BRCA2: variants seen among roughly 807,000 people sequenced by gnomAD.
BRCA2 encodes the protein breast cancer type 2 susceptibility protein.
BRCA2 carries 203 observed loss-of-function variants against 276.7 expected under a neutral mutation model. The observed-to-expected ratio is 0.73, with a 90% CI of 0.65 to 0.82. The LOEUF (loss-of-function observed/expected upper bound fraction) is 0.82. Among genes scored for constraint, BRCA2 ranks in the 40% least tolerant of loss-of-function variants. BRCA2 has a pLI of 0.00. For missense variants in BRCA2, 3,920 were observed against 3,915.0 expected, an observed-to-expected ratio of 1.00 and a Z score of -0.03; for synonymous variants, 1,289 against 1,338.4, an observed-to-expected ratio of 0.96 and a Z score of 0.81.
rs759741090 is a variant in BRCA2, at chr13:32,339,805, C to G, written c.5450C>G (p.Ser1817Cys). ...TGCGTTGAGGAACTTGTGACTAGCT[C>G]TTCACCCTGCAAAAATAAAAATGCA... is the stretch of plus-strand genomic sequence containing the variant. ...DICVEELVTS[S>C]SPCKNKNAAI... is the part of the protein sequence containing the mutation. Residue 1817 changes from serine to cysteine, a missense_variant, in exon 11 of 27, where the codon TCT (serine) becomes TGT (cysteine). Physicochemically the swap from Ser to Cys is moderately radical, Grantham distance 112. Around this residue, in one of 2 missense-constraint regions of BRCA2, gnomAD observed 3,263 missense variants for 3,156.9 expected, o/e 1.03. Coordinates refer to ENST00000380152, the MANE Select transcript of BRCA2 (RefSeq NM_000059.4). 2 of 1,613,740 alleles carry G rather than the reference C, an allele frequency of 1.2e-6. No homozygotes were observed. Among genetic ancestry groups the G allele is most frequent in the African/African-American group, 2.7e-5 (2 of 74,908 alleles).
chr13:32,368,521 A>G (rs530491130), intron 18 of BRCA2, among the ~76,000 whole-genome samples: 1 of 117,898 alleles, frequency 8.5e-6, no homozygotes, highest in African/African-American at 3.1e-5. Context: ...TGCTCCCTGC[A>G]TTTTTTTTTT....
rs139302211 is a variant in BRCA2 at position 32,339,761 on chromosome 13, A to C, written c.5406A>C (p.Gln1802His). ...TAAAAGATGCAAATGCATACCCACA[A>C]ACTGTAAATGAAGATATTTGCGTTG... ...SNVKDANAYP[Q>H]TVNEDICVEE... Residue 1802 changes from glutamine (Q) to histidine (H), a missense_variant, in exon 11 of 27, where the codon CAA becomes CAC. Physicochemically the swap from Gln to His is conservative, Grantham distance 24 (BLOSUM62 0). Transcript: ENST00000380152. The C allele has an allele frequency of 1.9e-6, 3 of 1,613,858 alleles. No homozygotes were observed. Among genetic ancestry groups the C allele is most frequent in the Non-Finnish European group, 2.5e-6 (3 of 1,179,904 alleles).
At chr13:32,389,894 C>A (rs2072985577) in intron 24 of BRCA2, among the ~76,000 whole-genome samples, 1 of 152,140 alleles carries the variant, frequency 6.6e-6, no homozygotes, top group Non-Finnish European at 1.5e-5. Flanking sequence ...AAAGATTCTT[C>A]AGATTTAGGA....
At position 32,338,564 on chromosome 13, in the gene BRCA2, T is replaced by C. The variant is rs1131692120; in HGVS notation, c.4209T>C (p.Thr1403=). The C allele has an allele frequency of 6.3e-7, 1 of 1,596,546 alleles. No individual in the cohort carries two copies. The highest frequency in any genetic ancestry group is 8.5e-7 in the Non-Finnish European group (1 of 1,172,364). Residue 1403 remains threonine, a synonymous_variant, in exon 11 of 27, where the codon ACT becomes ACC. Transcript: ENST00000380152. ...AKAQEACHGN[T]SNKEQLTATK... is the part of the protein sequence containing the mutation. ...CTCAAGAAGCATGTCATGGTAATAC[T>C]TCAAATAAAGAACAGTTAACTGCTA...
rs57551462 is a variant in BRCA2 at position 32,365,109 on chromosome 13, C to CTTT, written c.8331+1602_8331+1604dup. On this transcript the variant is annotated intron_variant, in intron 18 of 26. Transcript: ENST00000380152. ...TAGCTCCTGCTAATTGCAGTGCATT[C>CTTT]TTTTTTTTTTTTTTTTTTTTTTTTT... is the stretch of plus-strand genomic sequence containing the variant. Among the ~76,000 whole-genome samples, 262 of 64,482 alleles carry CTTT rather than the reference C, an allele frequency of 4.1e-3. 50 individuals are homozygous for CTTT. Among genetic ancestry groups the CTTT allele is most frequent in the South Asian group, 8.7e-3 (11 of 1,262 alleles). The allele number at this position is 64,482 out of a possible 152,430, so 42.3% of individuals were successfully genotyped here. A position where few individuals can be genotyped will look rare whatever the true frequency, so the allele number is the denominator to read the frequency against.
intron 11 of BRCA2, among the ~76,000 whole-genome samples, chr13:32,343,335 T>C (rs1285424535): frequency 5.3e-5 from 8 of 152,162 alleles, no homozygotes; most frequent in Non-Finnish European, 1.2e-4. Context: ...AAATAACTAG[T>C]TCCTTTTTAA....
At chr13:32,335,959 G>A (rs1041413338) in intron 10 of BRCA2, among the ~76,000 whole-genome samples, 1 of 151,984 alleles carries the variant, frequency 6.6e-6, no homozygotes. Context: ...TCAGCTCACC[G>A]TAGCCTCACC....
chr13:32,319,776 G>A (rs1366705053), intron 3 of BRCA2, among the ~76,000 whole-genome samples: 1 of 152,122 alleles, frequency 6.6e-6, no homozygotes, highest in Non-Finnish European at 1.5e-5. Flanking sequence ...TATATATTCA[G>A]TCATTCAAAT....
At chr13:32,373,978 T>C (rs974100142) in intron 20 of BRCA2, among the ~76,000 whole-genome samples, 1 of 152,258 alleles carries the variant, frequency 6.6e-6, no homozygotes, top group Non-Finnish European at 1.5e-5. Flanking sequence ...CTCCCACAGC[T>C]GAACTCTTGT....
chr13:32,329,490 G>A lies in BRCA2; in HGVS notation c.679G>A (p.Ala227Thr), dbSNP rs398122563. 6.3e-7 allele frequency: 1 copy of A among 1,594,182 alleles called. No homozygotes were observed. Among genetic ancestry groups the A allele is most frequent in the Non-Finnish European group, 8.6e-7 (1 of 1,164,104 alleles). Residue 227 changes from alanine (A) to threonine (T), a missense_variant and splice_region_variant, in exon 8 of 27, where the codon GCT becomes ACT. Transcript: ENST00000380152. ...AACTGTATTTCCTCATGATACTACT[G>A]CTGTAAGTAAATATGACATTGATTA... ...SETVFPHDTTANVKSYFSNHD... is the reference protein window; with the variant it reads ...SETVFPHDTTTNVKSYFSNHD...
At chr13:32,352,531 C>T (rs1300429865) in intron 13 of BRCA2, among the ~76,000 whole-genome samples, 2 of 152,170 alleles carry the variant, frequency 1.3e-5, no homozygotes, top group Admixed American at 6.5e-5. Flanking sequence ...CAGCTAATCA[C>T]ATGACTGCTC....
chr13:32,334,764 CTGT>C (rs2072435437), intron 10 of BRCA2, among the ~76,000 whole-genome samples: 1 of 151,940 alleles, frequency 6.6e-6, no homozygotes, highest in South Asian at 2.1e-4. Flanking sequence ...TTTATTGCTG[CTGT>C]TGTTACATAA....
intron 9 of BRCA2, 132 bp downstream of exon 9, chr13:32,331,162 G>C (rs763635629): frequency 1.5e-6 from 1 of 679,194 alleles, no homozygotes; most frequent in Non-Finnish European, 2.6e-6. Flanking sequence ...GTGCTCAAGC[G>C]ATCCTGCCTC....
rs1156736283 is a variant in BRCA2 at position 32,356,707 on chromosome 13, CATT to C, written c.7617+100_7617+102del. ...AATGGCTTTGTTTAAAGAATGAACACATTAGTGCAGGAATGGATGAATGAAATC... is the reference window on the plus strand; with the variant it reads ...AATGGCTTTGTTTAAAGAATGAACACAGTGCAGGAATGGATGAATGAAATC... On this transcript the variant is annotated intron_variant, in intron 15 of 26. Coordinates refer to ENST00000380152, the MANE Select transcript of BRCA2 (RefSeq NM_000059.4). 2.1e-5 allele frequency: 28 copies of C among 1,352,960 alleles called. No individual in the cohort carries two copies. The South Asian group carries it at 2.9e-4, about 14-fold the overall frequency. 83.8% of individuals were successfully genotyped at this position (1,352,960 alleles called of 1,614,324 possible).
intron 2 of BRCA2, among the ~76,000 whole-genome samples, 195 bp downstream of exon 2, chr13:32,316,722 A>G (rs1350259875): frequency 6.6e-6 from 1 of 152,220 alleles, no homozygotes; most frequent in Non-Finnish European, 1.5e-5. Flanking sequence ...CTAGTGGATA[A>G]AGAGGAAACT....
chr13:32,339,546 C>A lies in BRCA2; in HGVS notation c.5191C>A (p.His1731Asn), dbSNP rs80358745. The A allele has an allele frequency of 2.3e-5, 37 of 1,605,040 alleles. No homozygotes were observed. Among genetic ancestry groups the A allele is most frequent in the Non-Finnish European group, 3.1e-5 (37 of 1,175,904 alleles). The change falls in exon 11 of 27, where the codon CAT (histidine) becomes AAT (asparagine). Residue 1731 changes from histidine to asparagine, a missense_variant. Transcript: ENST00000380152. ...NSTIAENDKN[H>N]LSEKQDTYLS... Reference sequence around the variant, plus strand: ...TACTATAGCTGAAAATGACAAAAATCATCTCTCCGAAAAACAAGATACTTA... The same window carrying A: ...TACTATAGCTGAAAATGACAAAAATAATCTCTCCGAAAAACAAGATACTTA...
At position 32,370,956 on chromosome 13, in the gene BRCA2, T is replaced by G; in HGVS notation, c.8488T>G (p.Trp2830Gly). 6.2e-7 allele frequency: 1 copy of G among 1,613,980 alleles called. No homozygotes were observed. The highest frequency in any genetic ancestry group is 8.5e-7 in the Non-Finnish European group (1 of 1,179,956). The change falls in exon 20 of 27, where the codon TGG becomes GGG. Residue 2830 changes from tryptophan (W) to glycine (G), a missense_variant and splice_region_variant. Transcript: ENST00000380152. ...TGGTGTGTGTAACACATTATTACAG[T>G]GGATGGAGAAGACATCATCTGGATT... ...VIIQRAYPIQWMEKTSSGLYI... is the reference protein window; with the variant it reads ...VIIQRAYPIQGMEKTSSGLYI...
rs80358482 is a variant in BRCA2 at position 32,336,306 on chromosome 13, G to T, written c.1951G>T (p.Asp651Tyr). The T allele has an allele frequency of 1.9e-6, 3 of 1,602,006 alleles. No homozygotes were observed. Among genetic ancestry groups the T allele is most frequent in the South Asian group, 1.1e-5 (1 of 88,738 alleles). ...TGTGAAAAGAAGCTGTTCACAGAATGATTCTGAAGAACCAACTTTGTCCTT... is the reference window on the plus strand; with the variant it reads ...TGTGAAAAGAAGCTGTTCACAGAATTATTCTGAAGAACCAACTTTGTCCTT... ...SSVKRSCSQN[D>Y]SEEPTLSLTS... Residue 651 changes from aspartate to tyrosine, a missense_variant, in exon 11 of 27, where the codon GAT (aspartate) becomes TAT (tyrosine). This residue lies in a region of BRCA2 where 3,263 missense variants were observed against 3,156.9 expected (regional missense o/e 1.03). Transcript: ENST00000380152.
chr13:32,344,456 A>T (rs2137536233), intron 11 of BRCA2, 102 bp from the exon 12 acceptor site: 1 of 713,612 alleles, frequency 1.4e-6, no homozygotes, highest in Non-Finnish European at 2.4e-6. Context: ...TTTAACATTT[A>T]AAGAGTCAAT....
Sources: allele counts gnomAD v4.1 joint callset (sites outside exome capture counted in the v4.1 genomes callset), GRCh38; gene constraint gnomAD v4.1.1; regional missense constraint gnomAD v4.1.1; transcripts MANE v1.5; gene names NCBI Gene and HGNC (gene_info 2026-07-23, HGNC 2026-07-21).